The following CNTN5 variants were observed in gnomAD, a reference collection of about 807,000 sequenced individuals.
CNTN5 encodes the protein contactin 5, also known as contactin-5.
Under a neutral mutation model 129.1 loss-of-function variants are expected in CNTN5, and 77 were observed. The observed-to-expected ratio is 0.60, with a 90% CI of 0.50 to 0.72. The LOEUF (loss-of-function observed/expected upper bound fraction) is 0.72, where lower values mean the gene tolerates loss of function less well. CNTN5 is among the 30% of genes least tolerant of loss of function. The pLI, the probability that CNTN5 is intolerant of heterozygous loss-of-function variation, is 0.00. For synonymous variants in CNTN5, 509 were observed against 465.6 expected (o/e 1.09, Z -1.20); for missense variants, 1,478 against 1,328.8 (o/e 1.11, Z -1.75).
In CNTN5 at chr11:100,054,758, C is replaced by T. The variant is rs769372189; in HGVS notation, c.981-6454C>T. 7.3e-5 allele frequency among the ~76,000 whole-genome samples: 11 copies of T among 151,512 alleles called. No individual in the cohort carries two copies. The South Asian group carries it at 1.2e-3, about 17-fold the overall frequency. The stretch of plus-strand genomic sequence containing the variant: ...TGCTAGAAGGCATAAAAAAGAAACC[C>T]TAGAAAGTCTGGAGCTTAGCAAGGT... On this transcript the variant is annotated intron_variant, in intron 9 of 24. Coordinates refer to ENST00000524871, the MANE Select transcript of CNTN5 (RefSeq NM_014361.4).
At chr11:99,240,907 G>A (rs1458435906) in intron 1 of CNTN5, among the ~76,000 whole-genome samples, 3 of 152,040 alleles carry the variant, frequency 2.0e-5, no homozygotes, top group Non-Finnish European at 2.9e-5. Flanking sequence ...TTTAACATGC[G>A]TCACTACTGA....
intron 3 of CNTN5, among the ~76,000 whole-genome samples, chr11:99,774,064 A>G (rs1334228638): frequency 1.3e-5 from 2 of 152,014 alleles, no homozygotes; most frequent in Admixed American, 1.3e-4. Context: ...GTGATCACCA[A>G]TTTTAATCTC....
At chr11:99,269,665 T>C (rs1196646434) in intron 1 of CNTN5, among the ~76,000 whole-genome samples, 2 of 151,312 alleles carry the variant, frequency 1.3e-5, no homozygotes, top group Non-Finnish European at 2.9e-5. Flanking sequence ...CTGGACACAT[T>C]TTTTCAATCT....
At chr11:99,365,081 G>T (rs944680821) in intron 2 of CNTN5, among the ~76,000 whole-genome samples, 3 of 152,130 alleles carry the variant, frequency 2.0e-5, no homozygotes, top group African/African-American at 7.2e-5. Context: ...CAAGTGACAT[G>T]AAAGTTAAGA....
intron 3 of CNTN5, among the ~76,000 whole-genome samples, chr11:99,733,319 C>G (rs1943595516): frequency 8.7e-6 from 1 of 115,502 alleles, no homozygotes; most frequent in Non-Finnish European, 1.7e-5. Flanking sequence ...GAGATTCTGT[C>G]TCAAAAAAAA....
intron 7 of CNTN5, among the ~76,000 whole-genome samples, chr11:99,923,820 G>T (rs1051527948): frequency 1.3e-4 from 17 of 135,404 alleles, no homozygotes; most frequent in African/African-American, 4.8e-4. Flanking sequence ...ACAGAGTCTT[G>T]CTCTGTTGCC....
At chr11:99,191,296 A>T in intron 1 of CNTN5, among the ~76,000 whole-genome samples, 1 of 151,738 alleles carries the variant, frequency 6.6e-6, no homozygotes, top group African/African-American at 2.4e-5. Context: ...TTGGCCTATA[A>T]TTTTTTTGTA....
At chr11:99,523,694 C>T (rs79848558) in intron 2 of CNTN5, among the ~76,000 whole-genome samples, 3,287 of 77,948 alleles carry the variant, frequency 0.042, 116 homozygotes, top group African/African-American at 0.15. Context: ...CAGAACAGAA[C>T]AGAATAGAAC....
At chr11:99,679,919 G>T (rs1220038955) in intron 3 of CNTN5, among the ~76,000 whole-genome samples, 2 of 152,178 alleles carry the variant, frequency 1.3e-5, no homozygotes, top group Non-Finnish European at 2.9e-5. Flanking sequence ...TGAAACAGCT[G>T]CATTCCTGAT....
At chr11:99,797,103 C>G (rs1214982225) in intron 3 of CNTN5, among the ~76,000 whole-genome samples, 3 of 152,128 alleles carry the variant, frequency 2.0e-5, no homozygotes, top group Non-Finnish European at 4.4e-5. Context: ...CTGGCTACAT[C>G]TAGTCAGCCA....
At chr11:99,965,255 G>T (rs1000066015) in intron 8 of CNTN5, among the ~76,000 whole-genome samples, 22 of 151,760 alleles carry the variant, frequency 1.4e-4, no homozygotes, top group African/African-American at 5.3e-4. Flanking sequence ...GTGATGTTAG[G>T]GTGCCAATTT....
At chr11:99,855,063 C>T (rs12417931) in intron 6 of CNTN5, among the ~76,000 whole-genome samples, 1 of 152,064 alleles carries the variant, frequency 6.6e-6, no homozygotes, top group Non-Finnish European at 1.5e-5. Context: ...AGTTGCAGCA[C>T]TTTGAGAGGC....
intron 2 of CNTN5, among the ~76,000 whole-genome samples, chr11:99,352,595 T>C (rs11600078): frequency 1.6e-3 from 238 of 152,050 alleles, no homozygotes; most frequent in Non-Finnish European, 2.9e-3. Flanking sequence ...ATAAGAAAAT[T>C]AAACTTGCCA....
At chr11:99,763,087 A>C (rs1944640018) in intron 3 of CNTN5, among the ~76,000 whole-genome samples, 1 of 152,164 alleles carries the variant, frequency 6.6e-6, no homozygotes, top group Non-Finnish European at 1.5e-5. Flanking sequence ...GTATCAAAAC[A>C]TAACACATTT....
chr11:99,104,404 T>C (rs1476945872), intron 1 of CNTN5, among the ~76,000 whole-genome samples: 3 of 152,106 alleles, frequency 2.0e-5, no homozygotes, highest in Admixed American at 1.3e-4. Context: ...GGGTGTAGCA[T>C]TGGGGCAAGG....
chr11:99,181,366 G>A (rs1269230258), intron 1 of CNTN5, among the ~76,000 whole-genome samples: 17 of 152,092 alleles, frequency 1.1e-4, no homozygotes, highest in Admixed American at 1.0e-3. Flanking sequence ...TTTGGGTTTG[G>A]GCAAAATAGA....
intron 2 of CNTN5, among the ~76,000 whole-genome samples, chr11:99,370,537 A>G (rs775283280): frequency 2.6e-5 from 4 of 152,214 alleles, no homozygotes; most frequent in Non-Finnish European, 5.9e-5. Flanking sequence ...TGTTCGTGCT[A>G]TATTATAGAA....
At chr11:100,129,374 C>T (rs1306937479) in intron 13 of CNTN5, among the ~76,000 whole-genome samples, 1 of 152,096 alleles carries the variant, frequency 6.6e-6, no homozygotes, top group Non-Finnish European at 1.5e-5. Context: ...GTAAACGCCC[C>T]AGTCCATAAG....
At chr11:100,080,613 A>T (rs992389660) in intron 13 of CNTN5, among the ~76,000 whole-genome samples, 1 of 152,156 alleles carries the variant, frequency 6.6e-6, no homozygotes, top group Non-Finnish European at 1.5e-5. Flanking sequence ...AGAAGAATTC[A>T]TGGGTATAAT....
Sources: gnomAD v4.1 joint callset for allele counts (sites outside exome capture counted in the v4.1 genomes callset) on GRCh38, gnomAD v4.1.1 for gene constraint, MANE v1.5 for transcripts, NCBI Gene and HGNC (gene_info 2026-07-23, HGNC 2026-07-21) for gene names.